Variants in COX10 observed in about 807,000 individuals in gnomAD.
COX10 encodes protoheme IX farnesyltransferase, mitochondrial.
Under a neutral mutation model 37.3 loss-of-function variants are expected in COX10, and 27 were observed. The observed-to-expected ratio is 0.72, with a 90% CI of 0.53 to 1.00. The LOEUF (loss-of-function observed/expected upper bound fraction) is 1.00. Ranked by LOEUF, COX10 falls within the 50% of genes least tolerant of loss-of-function variation. The probability of loss-of-function intolerance (pLI) is 0.00; values close to 1 mark genes in which losing one functional copy is unlikely to be tolerated. For missense variants in COX10, 475 were observed against 563.2 expected (o/e 0.84, Z 1.59); for synonymous variants, 222 against 229.1 (o/e 0.97, Z 0.28).
intron 5 of COX10, among the ~76,000 whole-genome samples, chr17:14,182,865 AT>A (rs1450577596): frequency 6.6e-6 from 1 of 150,952 alleles, no homozygotes; most frequent in African/African-American, 2.4e-5. Context: ...GAAAAGCCAC[AT>A]TTTTCCAGGA....
chr17:14,182,383 C>A, intron 5 of COX10: 1 of 888,940 alleles, frequency 1.1e-6, no homozygotes, highest in Non-Finnish European at 1.3e-6. Flanking sequence ...TTCTTATATT[C>A]TTCGCATTTC....
At chr17:14,071,504 G>T (rs1356826702) in intron 1 of COX10, among the ~76,000 whole-genome samples, 1 of 152,132 alleles carries the variant, frequency 6.6e-6, no homozygotes, top group African/African-American at 2.4e-5. Context: ...TGGCAGAGAA[G>T]GTAAACTGGG....
chr17:14,073,802 T>G (rs1290441836), intron 1 of COX10, among the ~76,000 whole-genome samples: 1 of 152,146 alleles, frequency 6.6e-6, no homozygotes, highest in African/African-American at 2.4e-5. Flanking sequence ...TTCAGTAGAA[T>G]GACTAAAAGC....
intron 4 of COX10, among the ~76,000 whole-genome samples, chr17:14,116,654 T>TGC (rs149788267): frequency 2.0e-5 from 3 of 150,406 alleles, no homozygotes; most frequent in Non-Finnish European, 4.4e-5. Flanking sequence ...TGCATGCATG[T>TGC]ACACACACAC....
intron 4 of COX10, among the ~76,000 whole-genome samples, chr17:14,149,933 G>A (rs1010410427): frequency 2.0e-5 from 3 of 152,128 alleles, no homozygotes; most frequent in South Asian, 2.1e-4. Context: ...GGATATGACT[G>A]ATTGGGAAGG....
chr17:14,104,051 T>TC (rs1185928124), intron 4 of COX10, among the ~76,000 whole-genome samples: 3 of 152,112 alleles, frequency 2.0e-5, no homozygotes, highest in Admixed American at 1.3e-4. Context: ...GTCATGTTCC[T>TC]CCATGTGTCA....
intron 6 of COX10, among the ~76,000 whole-genome samples, chr17:14,206,450 A>C (rs1906701390): frequency 6.6e-6 from 1 of 151,970 alleles, no homozygotes; most frequent in Admixed American, 6.5e-5. Context: ...TTTGCTCCCC[A>C]CAATGTGGGG....
chr17:14,175,544 T>C (rs1238966493), intron 5 of COX10, among the ~76,000 whole-genome samples: 2 of 151,760 alleles, frequency 1.3e-5, no homozygotes, highest in Non-Finnish European at 2.9e-5. Flanking sequence ...TCATTGTTAC[T>C]ACTTTTTTCA....
chr17:14,165,224 C>T (rs962589414), intron 5 of COX10, among the ~76,000 whole-genome samples: 3 of 152,086 alleles, frequency 2.0e-5, no homozygotes, highest in African/African-American at 4.8e-5. Flanking sequence ...TTGCACTTTG[C>T]TTTATTATGC....
Position 14,144,774 on chromosome 17 carries a change from C to T in COX10, c.625-15103C>T, listed in dbSNP as rs367551356. On this transcript the variant is annotated intron_variant, in intron 4 of 6. Transcript: ENST00000261643. ...CCCCGTTAACTAAATATGCTGGCTA[C>T]GATGTGAGCTCAAAGTTTTCTTTTC... 4.1e-4 allele frequency among the ~76,000 whole-genome samples: 63 copies of T among 152,176 alleles called. No individual in the cohort carries two copies. In the South Asian group the frequency reaches 7.7e-3, roughly 19 times the overall value.
intron 4 of COX10, among the ~76,000 whole-genome samples, chr17:14,105,003 T>C (rs1264563521): frequency 3.3e-5 from 5 of 152,146 alleles, no homozygotes; most frequent in Non-Finnish European, 7.4e-5. Context: ...AGATAAAATA[T>C]TGTGGATGGT....
intron 4 of COX10, among the ~76,000 whole-genome samples, chr17:14,146,460 C>A (rs545335829): frequency 1.3e-4 from 20 of 152,206 alleles, no homozygotes; most frequent in African/African-American, 4.8e-4. Flanking sequence ...AAGAATGAAA[C>A]TAGACCCCTA....
chr17:14,104,433 C>A (rs1251987101), intron 4 of COX10, among the ~76,000 whole-genome samples: 1 of 151,968 alleles, frequency 6.6e-6, no homozygotes, highest in Admixed American at 6.6e-5. Context: ...AATAAGGGTT[C>A]AACAGAGTTT....
chr17:14,159,753 G>T, intron 4 of COX10, 124 bp from the exon 5 acceptor site: 1 of 705,202 alleles, frequency 1.4e-6, no homozygotes, highest in Non-Finnish European at 2.4e-6. Flanking sequence ...GAAGTGCCAG[G>T]GTATTGATTT....
At chr17:14,124,861 A>G (rs1468184925) in intron 4 of COX10, among the ~76,000 whole-genome samples, 1 of 152,208 alleles carries the variant, frequency 6.6e-6, no homozygotes, top group South Asian at 2.1e-4. Flanking sequence ...TTTAATGTTA[A>G]GTCACAACCA....
chr17:14,179,390 A>T (rs1438410205), intron 5 of COX10: 1 of 179,882 alleles, frequency 5.6e-6, no homozygotes, highest in African/African-American at 2.4e-5. Context: ...TTAGAATCAA[A>T]TAATTATTTT....
intron 3 of COX10, among the ~76,000 whole-genome samples, chr17:14,098,035 A>G (rs1915688695): frequency 6.6e-6 from 1 of 152,186 alleles, no homozygotes; most frequent in African/African-American, 2.4e-5. Context: ...TTTTGATCCA[A>G]GGTTGATTGA....
chr17:14,167,919 C>T (rs1295771058), intron 5 of COX10, among the ~76,000 whole-genome samples: 2 of 152,212 alleles, frequency 1.3e-5, no homozygotes, highest in Non-Finnish European at 2.9e-5. Flanking sequence ...GTCCTTCTCA[C>T]ATTTCAAAAC....
intron 3 of COX10, among the ~76,000 whole-genome samples, chr17:14,101,499 C>T (rs756042940): frequency 3.9e-5 from 6 of 152,132 alleles, no homozygotes; most frequent in African/African-American, 9.7e-5. Flanking sequence ...CAGGGCCTAC[C>T]GAAAAGGAGC....
Sources: gnomAD v4.1 joint callset for allele counts (sites outside exome capture counted in the v4.1 genomes callset) on GRCh38, gnomAD v4.1.1 for gene constraint, MANE v1.5 for transcripts, NCBI Gene and HGNC (gene_info 2026-07-23, HGNC 2026-07-21) for gene names.